PYCR2: variants seen among roughly 807,000 people sequenced by gnomAD.
PYCR2 encodes the protein pyrroline-5-carboxylate reductase 2.
In PYCR2, 17 loss-of-function variants were observed where a neutral mutation model predicts 23.4. The ratio of observed to expected loss-of-function variants is 0.73; its 90% CI spans 0.50 to 1.09. The LOEUF is 1.09. Ranked by LOEUF, PYCR2 falls within the 50% of genes least tolerant of loss-of-function variation. The pLI is 0.00. For missense variants in PYCR2, 380 were observed against 423.5 expected (o/e 0.90, Z 0.90); for synonymous variants, 172 against 176.6 (o/e 0.97, Z 0.21).
At position 225,921,238 on chromosome 1, in the gene PYCR2, T is replaced by C. The variant is rs771475669; in HGVS notation, c.767A>G (p.Asn256Ser). Reference sequence around the variant, plus strand: ...TCGGATACAGGAGGCCTCAACTGCATTGATGAGCAGAGAGCGGAAGCCCCC... The same window carrying C: ...TCGGATACAGGAGGCCTCAACTGCACTGATGAGCAGAGAGCGGAAGCCCCC... ...ESGGFRSLLI[N>S]AVEASCIRTR... The change falls in exon 6 of 7, where the codon AAT (asparagine) becomes AGT (serine). Residue 256 changes from asparagine (N) to serine (S), a missense_variant. Physicochemically the swap from Asn to Ser is conservative, Grantham distance 46. Coordinates refer to ENST00000343818, the MANE Select transcript of PYCR2 (RefSeq NM_013328.4). The surrounding 1 kb of genome is among the most constrained non-coding windows in gnomAD (Gnocchi z 4.2). 7 of 1,613,850 alleles carry C rather than the reference T, an allele frequency of 4.3e-6. No homozygotes were observed. The highest frequency in any genetic ancestry group is 1.7e-5 in the Admixed American group (1 of 59,984).
chr1:225,923,417 T>C, intron 2 of PYCR2: 1 of 1,226,904 alleles, frequency 8.2e-7, no homozygotes, highest in Non-Finnish European at 1.0e-6. Context: ...AATGAGTATT[T>C]ATTAGGTACC....
At chr1:225,922,114 G>A (rs752638105) in intron 3 of PYCR2, 35 bp from the exon 4 acceptor site, 3 of 1,609,144 alleles carry the variant, frequency 1.9e-6, no homozygotes, top group Non-Finnish European at 2.5e-6. Context: ...GAGTGGCCAG[G>A]GCACGGCTCC....
Position 225,921,920 on chromosome 1 carries a change from T to C in PYCR2, c.478A>G (p.Thr160Ala), listed in dbSNP as rs1259674550. Residue 160 changes from threonine (T) to alanine (A), a missense_variant, in exon 4 of 7, where the codon ACT (threonine) becomes GCT (alanine). Physicochemically the swap from Thr to Ala is moderately conservative, Grantham distance 58 (BLOSUM62 0). Transcript: ENST00000343818. The surrounding 1 kb of genome is among the most constrained non-coding windows in gnomAD (Gnocchi z 4.2). The stretch of plus-strand genomic sequence containing the variant: ...TCGATGAGGTCCTCTTCCACCTCAG[T>C]GCAGAAGCCCACGCTGCTCATGAGC... The part of the protein sequence containing the change: ...EQLMSSVGFC[T>A]EVEEDLIDAV... 6.2e-7 allele frequency: 1 copy of C among 1,613,924 alleles called. No individual in the cohort carries two copies. The highest frequency in any genetic ancestry group is 8.5e-7 in the Non-Finnish European group (1 of 1,180,030).
intron 2 of PYCR2, 109 bp downstream of exon 2, chr1:225,923,592 C>A: frequency 6.3e-7 from 1 of 1,583,764 alleles, no homozygotes. Flanking sequence ...AAGGTCACCG[C>A]CGGCCAAAGA....
Position 225,920,317 on chromosome 1 carries a change from G to A in PYCR2, c.*138C>T. Reference sequence around the variant, plus strand: ...CAGATTTAAGGAGGTTTTATCACAAGGACCTGAAAACTTCCTAAGCATGCT... The same window carrying A: ...CAGATTTAAGGAGGTTTTATCACAAAGACCTGAAAACTTCCTAAGCATGCT... On this transcript the variant is annotated 3_prime_UTR_variant, in exon 7 of 7. Coordinates refer to ENST00000343818, the MANE Select transcript of PYCR2 (RefSeq NM_013328.4). The A allele has an allele frequency of 1.3e-6, 1 of 776,142 alleles. No individual in the cohort carries two copies. Among genetic ancestry groups the A allele is most frequent in the East Asian group, 3.1e-5 (1 of 32,614 alleles). The allele number at this position is 776,142 out of a possible 1,614,324, so 48.1% of individuals were successfully genotyped here. A position where few individuals can be genotyped will look rare whatever the true frequency, so the allele number is the denominator to read the frequency against.
In PYCR2 at chr1:225,924,138, C is replaced by T. The variant is rs745841958; in HGVS notation, c.-28G>A. On this transcript the variant is annotated 5_prime_UTR_variant, in exon 1 of 7. Coordinates refer to ENST00000343818, the MANE Select transcript of PYCR2 (RefSeq NM_013328.4). ...TCCGCGGTTCACGCCTCCTGGGAGCCGCACGAACCCCCTCAGCGAGGGACC... is the reference window on the plus strand; with the variant it reads ...TCCGCGGTTCACGCCTCCTGGGAGCTGCACGAACCCCCTCAGCGAGGGACC... The T allele has an allele frequency of 6.5e-7, 1 of 1,531,942 alleles. No individual in the cohort carries two copies. The allele number at this position is 1,531,942 out of a possible 1,614,324, so 94.9% of individuals were successfully genotyped here. A position where few individuals can be genotyped will look rare whatever the true frequency, so the allele number is the denominator to read the frequency against.
rs1400939714 is a variant in PYCR2, at chr1:225,922,009, T to G, written c.389A>C (p.Glu130Ala). ...CMTNTPVVVQ[E>A]GATVYATGTH... ...GCCCGTGGCGTACACTGTAGCGCCT[T>G]CCTGCACTACCACAGGTGTGTTGGT... is the stretch of plus-strand genomic sequence containing the variant. The change falls in exon 4 of 7, where the codon GAA (glutamate) becomes GCA (alanine). Residue 130 changes from glutamate to alanine, a missense_variant. Glu to Ala is a moderately radical substitution (Grantham distance 107). Coordinates refer to ENST00000343818, the MANE Select transcript of PYCR2 (RefSeq NM_013328.4). 2 of 1,614,196 alleles carry G rather than the reference T, an allele frequency of 1.2e-6. No individual in the cohort carries two copies. The highest frequency in any genetic ancestry group is 2.2e-5 in the South Asian group (2 of 91,074).
chr1:225,920,161 C>T lies in PYCR2; in HGVS notation c.*294G>A, dbSNP rs544244316. ...GCCCCTCCTCCCAGCTGGGCTGACTCCAGTCCCAGCCCCAGTCTCCACCAA... is the reference window on the plus strand; with the variant it reads ...GCCCCTCCTCCCAGCTGGGCTGACTTCAGTCCCAGCCCCAGTCTCCACCAA... On this transcript the variant is annotated 3_prime_UTR_variant, in exon 7 of 7. Transcript: ENST00000343818. The T allele has an allele frequency of 4.8e-6, 1 of 209,052 alleles. No individual in the cohort carries two copies. Among genetic ancestry groups the T allele is most frequent in the East Asian group, 1.1e-4 (1 of 9,058 alleles). 12.9% of individuals were successfully genotyped at this position (209,052 alleles called of 1,614,324 possible).
chr1:225,922,904 G>T, intron 2 of PYCR2: 1 of 807,032 alleles, frequency 1.2e-6, no homozygotes, highest in Non-Finnish European at 1.5e-6. Flanking sequence ...CACAGACACT[G>T]CCTGTCACCT....
chr1:225,920,812 G>A lies in PYCR2; in HGVS notation c.798-192C>T, dbSNP rs577998190. On this transcript the variant is annotated intron_variant, in intron 6 of 6. Transcript: ENST00000343818. ...AAGAAGTATTAGTTACCTAAGTTAG[G>A]GTTTGCTTATTTATCTCATTTGATC... Among the ~76,000 whole-genome samples the A allele has an allele frequency of 5.3e-5, 8 of 152,130 alleles. No individual in the cohort carries two copies. The East Asian group carries it at 1.5e-3, about 29-fold the overall frequency.
rs774149360 is a variant in PYCR2 at position 225,924,156 on chromosome 1, G to C, written c.-46C>G. 2.0e-6 allele frequency: 3 copies of C among 1,519,912 alleles called. No individual in the cohort carries two copies. Among genetic ancestry groups the C allele is most frequent in the Non-Finnish European group, 2.6e-6 (3 of 1,135,732 alleles). 94.2% of individuals were successfully genotyped at this position (1,519,912 alleles called of 1,614,324 possible). ...TGGGAGCCGCACGAACCCCCTCAGC[G>C]AGGGACCGGAAGTAACGCTAGGGGA... On this transcript the variant is annotated 5_prime_UTR_variant, in exon 1 of 7. Coordinates refer to ENST00000343818, the MANE Select transcript of PYCR2 (RefSeq NM_013328.4).
Position 225,923,403 on chromosome 1 carries a change from A to T in PYCR2, c.138+298T>A, listed in dbSNP as rs192420445. ...TAAGACCCTGTCTGAAAAAAAATTT[A>T]AAAAATGAGTATTTATTAGGTACCT... On this transcript the variant is annotated intron_variant, in intron 2 of 6. Coordinates refer to ENST00000343818, the MANE Select transcript of PYCR2 (RefSeq NM_013328.4). 7.7e-4 allele frequency: 892 copies of T among 1,153,288 alleles called. 10 individuals carry two copies. The African/African-American group carries it at 0.011, about 15-fold the overall frequency. The allele number at this position is 1,153,288 out of a possible 1,614,324, so 71.4% of individuals were successfully genotyped here.
chr1:225,923,543 C>G, intron 2 of PYCR2, 158 bp downstream of exon 2: 1 of 1,478,858 alleles, frequency 6.8e-7, no homozygotes, highest in Admixed American at 2.2e-5. Flanking sequence ...CATTGAGCTG[C>G]CCAAGAGAAG....
In PYCR2 at chr1:225,921,366, A is replaced by G. The variant is rs200949659; in HGVS notation, c.639T>C (p.Ala213=). Residue 213 remains alanine, a synonymous_variant, in exon 6 of 7, where the codon GCT becomes GCC. Transcript: ENST00000343818. This position sits in a 1 kb window ranked among gnomAD's most constrained non-coding sequence, Gnocchi z 4.2. ...GCTCCGAGTCCAGCAGCATCTTGGC[A>G]GCTCCCTATGGGGAAGGGCACATTA... ...IQLGAQALLG[A]AKMLLDSEQH... 3.2e-6 allele frequency: 5 copies of G among 1,541,368 alleles called. No homozygotes were observed. In the East Asian group the frequency reaches 1.1e-4, roughly 35 times the overall value.
At chr1:225,920,664 C>T (rs1177614881) in intron 6 of PYCR2, 44 bp from the exon 7 acceptor site, 2 of 1,587,268 alleles carry the variant, frequency 1.3e-6, no homozygotes, top group South Asian at 1.1e-5. Flanking sequence ...GCAATAAACC[C>T]TGGGGCCAGA....
At position 225,921,752 on chromosome 1, in the gene PYCR2, C is replaced by A; in HGVS notation, c.540+106G>T. On this transcript the variant is annotated intron_variant, in intron 4 of 6. Coordinates refer to ENST00000343818, the MANE Select transcript of PYCR2 (RefSeq NM_013328.4). The surrounding 1 kb of genome is among the most constrained non-coding windows in gnomAD (Gnocchi z 4.2). ...TCCAAGGGTCAGCATCCTGTACCAG[C>A]CAGCTGTGCCCAAGAGGTGGGCGCC... 6.3e-7 allele frequency: 1 copy of A among 1,576,908 alleles called. No homozygotes were observed. The highest frequency in any genetic ancestry group is 8.7e-7 in the Non-Finnish European group (1 of 1,150,420).
rs773608143 is a variant in PYCR2, at chr1:225,922,099, C to T, written c.319-20G>A. The T allele has an allele frequency of 1.6e-5, 26 of 1,610,598 alleles. No homozygotes were observed. Among genetic ancestry groups the T allele is most frequent in the Admixed American group, 8.4e-5 (5 of 59,774 alleles). On this transcript the variant is annotated intron_variant, in intron 3 of 6. Coordinates refer to ENST00000343818, the MANE Select transcript of PYCR2 (RefSeq NM_013328.4). The stretch of plus-strand genomic sequence containing the variant: ...CAGCTTCTAGGGTGAGGGAGAGAGC[C>T]GAATGAGTGGCCAGGGCACGGCTCC...
Position 225,921,121 on chromosome 1 carries a change from A to G in PYCR2, c.797+87T>C. On this transcript the variant is annotated intron_variant, in intron 6 of 6. Transcript: ENST00000343818. The surrounding 1 kb of genome is among the most constrained non-coding windows in gnomAD (Gnocchi z 4.2). Reference sequence around the variant, plus strand: ...AACACTGCTAAATGGGACCCAAGACAGCAGGTTCCGCAAATGGTGCTCAAC... The same window carrying G: ...AACACTGCTAAATGGGACCCAAGACGGCAGGTTCCGCAAATGGTGCTCAAC... The G allele has an allele frequency of 2.1e-5, 28 of 1,341,246 alleles. 1 individual carries two copies. The South Asian group carries it at 3.4e-4, about 17-fold the overall frequency. The allele number at this position is 1,341,246 out of a possible 1,614,324, so 83.1% of individuals were successfully genotyped here. A position where few individuals can be genotyped will look rare whatever the true frequency, so the allele number is the denominator to read the frequency against.
Position 225,921,371 on chromosome 1 carries a change from C to A in PYCR2, c.634G>T (p.Gly212Ter). The A allele has an allele frequency of 1.3e-6, 2 of 1,539,728 alleles. No individual in the cohort carries two copies. The highest frequency in any genetic ancestry group is 1.8e-6 in the Non-Finnish European group (2 of 1,113,294). Reference sequence around the variant, plus strand: ...GAGTCCAGCAGCATCTTGGCAGCTCCCTATGGGGAAGGGCACATTAGGAGA... The same window carrying A: ...GAGTCCAGCAGCATCTTGGCAGCTCACTATGGGGAAGGGCACATTAGGAGA... ...AIQLGAQALL[G>*]AAKMLLDSEQ... is the part of the protein sequence containing the mutation. The change falls in exon 6 of 7, where the codon GGA becomes TGA. Residue 212 changes from glycine to a stop codon, truncating the protein, a stop_gained and splice_region_variant. Coordinates refer to ENST00000343818, the MANE Select transcript of PYCR2 (RefSeq NM_013328.4). LOFTEE classifies it high-confidence loss of function. This position sits in a 1 kb window ranked among gnomAD's most constrained non-coding sequence, Gnocchi z 4.2.
Sources: gnomAD v4.1 joint callset for allele counts (sites outside exome capture counted in the v4.1 genomes callset) on GRCh38, gnomAD v4.1.1 for gene constraint, Gnocchi (gnomAD v3.1) non-coding constraint, MANE v1.5 for transcripts, NCBI Gene and HGNC (gene_info 2026-07-23, HGNC 2026-07-21) for gene names.